Variants in TMIGD3 observed in about 807,000 individuals in gnomAD.
TMIGD3 encodes the protein AD026 protein (AD026).
TMIGD3 carries 21 observed loss-of-function variants against 28.1 expected under a neutral mutation model. That is an observed-to-expected ratio of 0.75 (90% confidence interval 0.53 to 1.08). TMIGD3 has a LOEUF of 1.08. Ranked by LOEUF, TMIGD3 falls within the 50% of genes least tolerant of loss-of-function variation. The pLI is 0.00. For synonymous variants in TMIGD3, 151 were observed against 162.1 expected (o/e 0.93, Z 0.52); for missense variants, 416 against 435.6 (o/e 0.96, Z 0.40).
chr1:111,494,730 T>C (rs1652434800), intron 1 of TMIGD3, among the ~76,000 whole-genome samples: 2 of 152,164 alleles, frequency 1.3e-5, no homozygotes, highest in Admixed American at 1.3e-4. Flanking sequence ...GATATGACAT[T>C]ACTCAACTTC....
At chr1:111,497,893 A>G (rs1182144997) in intron 1 of TMIGD3, among the ~76,000 whole-genome samples, 1 of 152,192 alleles carries the variant, frequency 6.6e-6, no homozygotes, top group Non-Finnish European at 1.5e-5. Flanking sequence ...TTGTAAATTA[A>G]GAAGCATGGT....
chr1:111,502,944 G>T, intron 1 of TMIGD3, 61 bp downstream of exon 1: 1 of 1,586,272 alleles, frequency 6.3e-7, no homozygotes, highest in East Asian at 2.3e-5. Context: ...TCTGGGCTCT[G>T]GGCTTTGTAG....
intron 1 of TMIGD3, among the ~76,000 whole-genome samples, chr1:111,563,074 C>G (rs1324672740): frequency 6.6e-6 from 1 of 152,158 alleles, no homozygotes; most frequent in Non-Finnish European, 1.5e-5. Flanking sequence ...GCAGCGTACT[C>G]AAAGTCCTAC....
chr1:111,516,465 C>T (rs1655871826), intron 1 of TMIGD3, among the ~76,000 whole-genome samples: 1 of 152,168 alleles, frequency 6.6e-6, no homozygotes, highest in Non-Finnish European at 1.5e-5. Flanking sequence ...TAGACTTCCG[C>T]CCCAGCCAGC....
chr1:111,538,072 GCT>G (rs1656699637), intron 1 of TMIGD3, among the ~76,000 whole-genome samples: 2 of 151,960 alleles, frequency 1.3e-5, no homozygotes, highest in African/African-American at 4.8e-5. Flanking sequence ...AAAAGAGTTG[GCT>G]CAGAAAACTG....
intron 1 of TMIGD3, among the ~76,000 whole-genome samples, chr1:111,562,318 T>C (rs1042061117): frequency 2.0e-5 from 3 of 152,294 alleles, no homozygotes; most frequent in African/African-American, 7.2e-5. Context: ...TCCTCAACCA[T>C]AATAGGAGGT....
chr1:111,490,427 GTCA>G (rs1247632172), intron 2 of TMIGD3: 2 of 552,516 alleles, frequency 3.6e-6, no homozygotes, highest in African/African-American at 3.8e-5. Flanking sequence ...TGAGTGCAGA[GTCA>G]TCATTTTAGT....
chr1:111,491,561 C>G (rs1444097728), intron 1 of TMIGD3, among the ~76,000 whole-genome samples: 1 of 152,198 alleles, frequency 6.6e-6, no homozygotes, highest in Non-Finnish European at 1.5e-5. Flanking sequence ...AATGTCCTCT[C>G]TGGAGGAAGG....
chr1:111,510,677 T>G (rs1287723918), intron 1 of TMIGD3, among the ~76,000 whole-genome samples: 2 of 152,154 alleles, frequency 1.3e-5, no homozygotes, highest in Admixed American at 6.5e-5. Flanking sequence ...CTGTTTTTCA[T>G]GAGGAGCTGC....
At chr1:111,557,028 T>G (rs1657520832) in intron 1 of TMIGD3, among the ~76,000 whole-genome samples, 1 of 152,066 alleles carries the variant, frequency 6.6e-6, no homozygotes, top group South Asian at 2.1e-4. Context: ...AAAGAATCCC[T>G]CATAAAACAA....
At chr1:111,539,337 C>T (rs113835471) in intron 1 of TMIGD3, among the ~76,000 whole-genome samples, 4,006 of 152,166 alleles carry the variant, frequency 0.026, 171 homozygotes, top group African/African-American at 0.091. Flanking sequence ...CTCGCTCTGT[C>T]GCCAGGCTGG....
chr1:111,529,466 T>C (rs947646945), intron 1 of TMIGD3, among the ~76,000 whole-genome samples: 2 of 150,236 alleles, frequency 1.3e-5, no homozygotes, highest in Non-Finnish European at 3.0e-5. Context: ...GGTCAGCAGA[T>C]AAACAAGTGA....
Position 111,554,219 on chromosome 1 carries a change from T to TA in TMIGD3, c.107+9626dup, listed in dbSNP as rs150429567. Among the ~76,000 whole-genome samples, 443 of 152,288 alleles carry TA rather than the reference T, an allele frequency of 2.9e-3. 2 individuals carry two copies. The highest frequency in any genetic ancestry group is 0.01 in the African/African-American group (426 of 41,564). On this transcript the variant is annotated intron_variant, in intron 1 of 5. Coordinates refer to the TMIGD3 transcript ENST00000369717. ...CTTGTGAAAATTGAATTAACACACA[T>TA]AAAAACATAGATCAAGTTAGAAACA...
At chr1:111,530,675 T>A (rs1355970456) in intron 1 of TMIGD3, among the ~76,000 whole-genome samples, 1 of 152,238 alleles carries the variant, frequency 6.6e-6, no homozygotes, top group Non-Finnish European at 1.5e-5. Flanking sequence ...TGACATGATG[T>A]CTTCTGCCAT....
upstream of TMIGD3, chr1:111,503,809 A>G: frequency 9.9e-7 from 1 of 1,006,396 alleles, no homozygotes; most frequent in Non-Finnish European, 1.2e-6. Context: ...AAAAAGATGG[A>G]AAGAGCAGAA....
chr1:111,550,434 ATCTT>A (rs2101034924), intron 1 of TMIGD3, among the ~76,000 whole-genome samples: 1 of 150,852 alleles, frequency 6.6e-6, no homozygotes, highest in South Asian at 2.1e-4. Flanking sequence ...TTGATTTGAG[ATCTT>A]TCTTCTTTTT....
intron 1 of TMIGD3, among the ~76,000 whole-genome samples, chr1:111,539,682 C>T (rs1271227597): frequency 6.6e-6 from 1 of 152,168 alleles, no homozygotes; most frequent in African/African-American, 2.4e-5. Flanking sequence ...ACAATATCCC[C>T]CTACTCCCAG....
chr1:111,490,680 G>C lies in TMIGD3; in HGVS notation c.433C>G (p.Leu145Val), dbSNP rs757652016. The C allele has an allele frequency of 6.8e-6, 11 of 1,613,582 alleles. No homozygotes were observed. The South Asian group carries it at 1.2e-4, about 18-fold the overall frequency. ...CCTGAAATGAGAGCCAAGGAGAGTA[G>C]AATGAAGAGCCACATGACTGGAAGG... ...CFLPVMWLFILLSLALISDAM... is the reference protein window; with the variant it reads ...CFLPVMWLFIVLSLALISDAM... Residue 145 changes from leucine (L) to valine (V), a missense_variant, in exon 2 of 6, where the codon CTA becomes GTA. By Grantham distance (32) the Leu-to-Val change is conservative. Coordinates refer to ENST00000369716, the MANE Select transcript of TMIGD3 (RefSeq NM_020683.7).
rs1016114352 is a variant in TMIGD3, at chr1:111,550,147, T to A, written c.107+13699A>T. On this transcript the variant is annotated intron_variant, in intron 1 of 5. Coordinates refer to the TMIGD3 transcript ENST00000369717. ...TCATAGTATTGCCTTATAATTCTTT[T>A]TATTTCTTTAAGATTGATAGTAAGG... Among the ~76,000 whole-genome samples, 13 of 152,328 alleles carry A rather than the reference T, an allele frequency of 8.5e-5. No homozygotes were observed. In the East Asian group the frequency reaches 2.5e-3, roughly 29 times the overall value.
Sources: gnomAD v4.1 joint callset for allele counts (sites outside exome capture counted in the v4.1 genomes callset) on GRCh38, gnomAD v4.1.1 for gene constraint, MANE v1.5 for transcripts, NCBI Gene and HGNC (gene_info 2026-07-23, HGNC 2026-07-21) for gene names.